The following GPHN variants were observed in gnomAD, a reference collection of about 807,000 sequenced individuals.
GPHN encodes gephyrin.
In GPHN, 17 loss-of-function variants were observed where a neutral mutation model predicts 95.5. The observed-to-expected ratio is 0.18, with a 90% CI of 0.12 to 0.27. GPHN has a LOEUF of 0.27. Among genes scored for constraint, GPHN ranks in the 10% least tolerant of loss-of-function variants. The pLI, the probability that GPHN is intolerant of heterozygous loss-of-function variation, is 1.00. For synonymous variants in GPHN, 320 were observed against 322.5 expected (o/e 0.99, Z 0.08); for missense variants, 660 against 978.1 (o/e 0.67, Z 4.34).
At chr14:67,093,943 A>G (rs950734316) in intron 12 of GPHN, among the ~76,000 whole-genome samples, 1 of 152,080 alleles carries the variant, frequency 6.6e-6, no homozygotes, top group African/African-American at 2.4e-5. Context: ...GTGTAGTTCT[A>G]TAAGCAGAGC....
the GPHN span, chr14:67,470,574 A>G: frequency 1.3e-5 from 2 of 152,644 alleles, no homozygotes; most frequent in Non-Finnish European, 2.9e-5. Flanking sequence ...GGCTTCATAA[A>G]TGCAGGTTCT....
At chr14:66,882,511 A>G (rs186763162) in intron 5 of GPHN, among the ~76,000 whole-genome samples, 1 of 151,960 alleles carries the variant, frequency 6.6e-6, no homozygotes, top group Non-Finnish European at 1.5e-5. Context: ...AGATATTATG[A>G]AGTAATGGTT....
intron 1 of GPHN, among the ~76,000 whole-genome samples, chr14:66,545,965 C>G (rs563706294): frequency 6.6e-6 from 1 of 151,378 alleles, no homozygotes; most frequent in African/African-American, 2.4e-5. Context: ...ACGCTCCTCA[C>G]TTCTCAGACG....
intron 2 of GPHN, among the ~76,000 whole-genome samples, chr14:66,769,151 G>T (rs775337235): frequency 5.0e-4 from 76 of 152,002 alleles, no homozygotes; most frequent in Non-Finnish European, 9.6e-4. Context: ...GAAGCATATA[G>T]ATAATGCTAG....
the GPHN span, among the ~76,000 whole-genome samples, chr14:67,261,170 A>G: frequency 6.6e-6 from 1 of 152,214 alleles, no homozygotes; most frequent in Admixed American, 6.5e-5. Context: ...GCTTAAAGAA[A>G]AGACAATAAA....
intron 9 of GPHN, among the ~76,000 whole-genome samples, chr14:66,986,880 C>A (rs1286763771): frequency 6.6e-6 from 1 of 152,104 alleles, no homozygotes; most frequent in Non-Finnish European, 1.5e-5. Flanking sequence ...GCCTTCTTAG[C>A]TTTACTTTTT....
At chr14:66,745,027 T>A (rs999053436) in intron 2 of GPHN, among the ~76,000 whole-genome samples, 2 of 152,094 alleles carry the variant, frequency 1.3e-5, no homozygotes, top group African/African-American at 4.8e-5. Context: ...AAACGTGCCT[T>A]AAAAGATCAA....
chr14:66,943,672 A>AT (rs1027166582), intron 8 of GPHN, among the ~76,000 whole-genome samples: 4 of 56,858 alleles, frequency 7.0e-5, no homozygotes, highest in African/African-American at 2.9e-4. Context: ...CCCTTTAAAA[A>AT]TTTTTTTGAT....
intron 16 of GPHN, among the ~76,000 whole-genome samples, chr14:67,115,088 A>G (rs1407876817): frequency 6.6e-6 from 1 of 152,152 alleles, no homozygotes; most frequent in Admixed American, 6.5e-5. Flanking sequence ...AATGCTTCTA[A>G]ATTATATTAT....
the GPHN span, among the ~76,000 whole-genome samples, chr14:67,193,513 A>C: frequency 6.9e-6 from 1 of 144,340 alleles, no homozygotes; most frequent in South Asian, 2.2e-4. Flanking sequence ...ATCCATATAT[A>C]TATATCTAGA....
the GPHN span, among the ~76,000 whole-genome samples, chr14:67,192,975 G>T: frequency 7.0e-6 from 1 of 143,194 alleles, no homozygotes; most frequent in Admixed American, 7.1e-5. Context: ...TCGATATCTA[G>T]ATATAGATCT....
the GPHN span, among the ~76,000 whole-genome samples, chr14:67,604,358 C>G: frequency 4.6e-5 from 7 of 152,302 alleles, no homozygotes; most frequent in Non-Finnish European, 8.8e-5. Flanking sequence ...TCAATCTTGT[C>G]TTTTATGGCT....
chr14:67,348,597 C>T, the GPHN span, among the ~76,000 whole-genome samples: 2 of 152,148 alleles, frequency 1.3e-5, no homozygotes, highest in Non-Finnish European at 2.9e-5. Flanking sequence ...TCTCGGCTCA[C>T]TGGAACCTCC....
chr14:66,758,824 C>G (rs530943724), intron 2 of GPHN, among the ~76,000 whole-genome samples: 1 of 152,178 alleles, frequency 6.6e-6, no homozygotes, highest in Non-Finnish European at 1.5e-5. Flanking sequence ...TTTACTTTAC[C>G]CATCCCTCTG....
At chr14:67,341,883 AC>A in the GPHN span, among the ~76,000 whole-genome samples, 1 of 152,014 alleles carries the variant, frequency 6.6e-6, no homozygotes, top group Non-Finnish European at 1.5e-5. Flanking sequence ...CTATGACCTT[AC>A]CCCCAACCCT....
intron 4 of GPHN, among the ~76,000 whole-genome samples, chr14:66,854,334 G>C (rs1596154855): frequency 6.6e-6 from 1 of 152,228 alleles, no homozygotes; most frequent in East Asian, 1.9e-4. Context: ...GGGAAGAATA[G>C]TACCCTTTCT....
rs79137118 is a variant in GPHN at position 66,941,011 on chromosome 14, G to A, written c.828+16719G>A. On this transcript the variant is annotated intron_variant, in intron 8 of 22. Coordinates refer to ENST00000478722, the MANE Select transcript of GPHN (RefSeq NM_020806.5). Reference sequence around the variant, plus strand: ...TTTCCCAAAAAGGAAACCTGGATGGGCATCCTATTTATTGCCATCACCTGG... The same window carrying A: ...TTTCCCAAAAAGGAAACCTGGATGGACATCCTATTTATTGCCATCACCTGG... 2.0e-3 allele frequency among the ~76,000 whole-genome samples: 302 copies of A among 152,258 alleles called. 5 individuals are homozygous for A. In the East Asian group the frequency reaches 0.03, roughly 15 times the overall value.
chr14:67,518,240 G>A, the GPHN span, among the ~76,000 whole-genome samples: 2 of 152,310 alleles, frequency 1.3e-5, no homozygotes, highest in East Asian at 3.9e-4. Flanking sequence ...GTATGGGCCA[G>A]GAACAGACAG....
At chr14:67,038,061 A>T (rs1211655900) in intron 10 of GPHN, among the ~76,000 whole-genome samples, 1 of 152,088 alleles carries the variant, frequency 6.6e-6, no homozygotes, top group East Asian at 1.9e-4. Context: ...CTTAATGTTC[A>T]TTAACAGATG....
Sources: gnomAD v4.1 joint callset for allele counts (sites outside exome capture counted in the v4.1 genomes callset) on GRCh38, gnomAD v4.1.1 for gene constraint, MANE v1.5 for transcripts, NCBI Gene and HGNC (gene_info 2026-07-23, HGNC 2026-07-21) for gene names.